RHOH: variants seen among roughly 807,000 people sequenced by gnomAD.
RHOH encodes the protein ras homolog family member H.
In RHOH, 6 loss-of-function variants were observed where a neutral mutation model predicts 13.8. The ratio of observed to expected loss-of-function variants is 0.44; its 90% CI spans 0.24 to 0.86. The LOEUF (loss-of-function observed/expected upper bound fraction) is 0.86, where lower values mean the gene tolerates loss of function less well. Among genes scored for constraint, RHOH ranks in the 40% least tolerant of loss-of-function variants. The pLI is 0.24. For missense variants in RHOH, 147 were observed against 244.5 expected (o/e 0.60, Z 2.66); for synonymous variants, 117 against 103.0 (o/e 1.14, Z -0.82).
intron 1 of RHOH, among the ~76,000 whole-genome samples, chr4:40,242,256 G>T (rs1437565004): frequency 6.6e-6 from 1 of 152,226 alleles, no homozygotes; most frequent in Non-Finnish European, 1.5e-5. Flanking sequence ...GCAGTCCTCT[G>T]TTTAAGTGAC....
intron 1 of RHOH, among the ~76,000 whole-genome samples, chr4:40,205,472 T>A (rs892348187): frequency 5.3e-5 from 8 of 152,250 alleles, no homozygotes; most frequent in African/African-American, 1.9e-4. Flanking sequence ...GCTGAACATC[T>A]GGTTGGGCTT....
At chr4:40,213,310 G>A (rs1449576450) in intron 1 of RHOH, among the ~76,000 whole-genome samples, 14 of 151,716 alleles carry the variant, frequency 9.2e-5, no homozygotes, top group African/African-American at 3.1e-4. Context: ...TGGCAAGTGT[G>A]GGTCTCACTC....
chr4:40,241,009 T>TTA (rs1246693372), intron 1 of RHOH, among the ~76,000 whole-genome samples: 4 of 151,990 alleles, frequency 2.6e-5, no homozygotes, highest in African/African-American at 7.2e-5. Context: ...AAAAATAAGA[T>TTA]AATTAAATTA....
At chr4:40,212,958 T>G (rs372029030) in intron 1 of RHOH, among the ~76,000 whole-genome samples, 225 of 152,354 alleles carry the variant, frequency 1.5e-3, no homozygotes, top group African/African-American at 5.0e-3. Context: ...AAGGTTCCCC[T>G]AAACTGAGTC....
intron 1 of RHOH, among the ~76,000 whole-genome samples, chr4:40,226,128 TA>T (rs549191648): frequency 8.7e-5 from 13 of 149,948 alleles, no homozygotes; most frequent in South Asian, 6.3e-4. Flanking sequence ...TCAGTTGCCT[TA>T]AAAAAAAAAT....
intron 1 of RHOH, among the ~76,000 whole-genome samples, chr4:40,227,473 C>T (rs761349729): frequency 3.3e-5 from 5 of 152,160 alleles, no homozygotes; most frequent in Non-Finnish European, 7.3e-5. Context: ...CCACTTCTCT[C>T]AAGTCCTTGG....
chr4:40,221,802 AG>A (rs1726619466), intron 1 of RHOH, among the ~76,000 whole-genome samples: 2 of 152,224 alleles, frequency 1.3e-5, no homozygotes, highest in South Asian at 4.1e-4. Context: ...GAAATCATTA[AG>A]TTTAATGAGG....
intron 1 of RHOH, among the ~76,000 whole-genome samples, chr4:40,213,370 T>C (rs562571930): frequency 1.1e-3 from 161 of 151,598 alleles, no homozygotes; most frequent in African/African-American, 3.6e-3. Flanking sequence ...CTTTTTTTTT[T>C]TTTCTCTCTC....
In RHOH at chr4:40,233,925, CAAATAAAATAAAATAAAATA is replaced by C. The variant is rs5857719; in HGVS notation, c.-330-8769_-330-8750del. 3.5e-4 allele frequency among the ~76,000 whole-genome samples: 51 copies of C among 145,228 alleles called. 1 individual carries two copies. Among genetic ancestry groups the C allele is most frequent in the Admixed American group, 1.1e-3 (16 of 14,422 alleles). ...TGGGCGACAGAGTAATACTCCCTCT[CAAATAAAATAAAATAAAATA>C]AAATAAAATAAAATAAAATGAAATA... On this transcript the variant is annotated intron_variant, in intron 1 of 2. Coordinates refer to ENST00000381799, the MANE Select transcript of RHOH (RefSeq NM_004310.5).
intron 1 of RHOH, chr4:40,235,287 C>G (rs1728412004): frequency 6.6e-6 from 1 of 152,220 alleles, no homozygotes; most frequent in African/African-American, 2.4e-5. Flanking sequence ...CAACAGATGT[C>G]CTTTAAAACA....
intron 1 of RHOH, among the ~76,000 whole-genome samples, chr4:40,226,052 G>A (rs1004937904): frequency 6.6e-6 from 1 of 152,164 alleles, no homozygotes; most frequent in South Asian, 2.1e-4. Flanking sequence ...TCTGGCAAAT[G>A]TGTTTATTGT....
intron 1 of RHOH, among the ~76,000 whole-genome samples, chr4:40,200,936 A>T (rs1265008140): frequency 6.6e-6 from 1 of 152,260 alleles, no homozygotes; most frequent in Non-Finnish European, 1.5e-5. Flanking sequence ...CTGAATGTTC[A>T]AGTGCTTCTT....
intron 1 of RHOH, among the ~76,000 whole-genome samples, chr4:40,216,039 C>T (rs1725836438): frequency 1.3e-5 from 2 of 151,964 alleles, no homozygotes; most frequent in Admixed American, 1.3e-4. Flanking sequence ...AACTGCAGCT[C>T]GTTTTCCGCT....
At chr4:40,229,149 C>T (rs1306989259) in intron 1 of RHOH, among the ~76,000 whole-genome samples, 3 of 152,154 alleles carry the variant, frequency 2.0e-5, no homozygotes, top group Non-Finnish European at 4.4e-5. Context: ...GGAATCCTTA[C>T]CCAGGACTGT....
In RHOH at chr4:40,243,404, G is replaced by A. The variant is rs769462356; in HGVS notation, c.18G>A (p.Lys6=). The A allele has an allele frequency of 1.9e-6, 3 of 1,596,512 alleles. No individual in the cohort carries two copies. The highest frequency in any genetic ancestry group is 1.7e-5 in the Admixed American group (1 of 58,158). Residue 6 remains lysine, a synonymous_variant, in exon 3 of 3, where the codon AAG becomes AAA. Coordinates refer to ENST00000381799, the MANE Select transcript of RHOH (RefSeq NM_004310.5). The surrounding 1 kb of genome is among the most constrained non-coding windows in gnomAD (Gnocchi z 6.2). ...CTGGGAAGATGCTGAGTTCCATCAA[G>A]TGCGTGTTGGTGGGCGACTCTGCTG... MLSSI[K]CVLVGDSAVG...
upstream of RHOH, among the ~76,000 whole-genome samples, chr4:40,195,503 C>T (rs1723055580): frequency 6.6e-6 from 1 of 151,630 alleles, no homozygotes; most frequent in South Asian, 2.1e-4. Flanking sequence ...TGCTGTGTCC[C>T]CAGGCTGGAG....
At chr4:40,199,341 C>T (rs2109350542) in intron 1 of RHOH, among the ~76,000 whole-genome samples, 1 of 152,332 alleles carries the variant, frequency 6.6e-6, no homozygotes, top group Non-Finnish European at 1.5e-5. Flanking sequence ...GCCTGCAAAG[C>T]TAACTCTCCT....
At chr4:40,211,638 G>A (rs916639028) in intron 1 of RHOH, among the ~76,000 whole-genome samples, 1 of 152,174 alleles carries the variant, frequency 6.6e-6, no homozygotes, top group Non-Finnish European at 1.5e-5. Context: ...GATTTTTAGC[G>A]AGCTGTTTGA....
At chr4:40,232,463 C>T (rs1244230117) in intron 1 of RHOH, among the ~76,000 whole-genome samples, 4 of 151,564 alleles carry the variant, frequency 2.6e-5, no homozygotes, top group Non-Finnish European at 5.9e-5. Context: ...TCATGTTGCC[C>T]AGGCTGGTCT....
Sources: gnomAD v4.1 joint callset for allele counts (sites outside exome capture counted in the v4.1 genomes callset) on GRCh38, gnomAD v4.1.1 for gene constraint, Gnocchi (gnomAD v3.1) non-coding constraint, MANE v1.5 for transcripts, NCBI Gene and HGNC (gene_info 2026-07-23, HGNC 2026-07-21) for gene names.